DAPK2: variants seen among roughly 807,000 people sequenced by gnomAD.
DAPK2 encodes the protein death-associated protein kinase 2.
DAPK2 carries 35 observed loss-of-function variants against 44.1 expected under a neutral mutation model. The observed-to-expected ratio is 0.79, with a 90% CI of 0.61 to 1.05. The LOEUF (loss-of-function observed/expected upper bound fraction) is 1.05. DAPK2 is among the 50% of genes least tolerant of loss of function. The pLI is 0.00. For missense variants in DAPK2, 453 were observed against 483.2 expected (o/e 0.94, Z 0.59); for synonymous variants, 174 against 182.6 (o/e 0.95, Z 0.38).
rs201833845 is a variant in DAPK2, at chr15:64,000,174, T to TACC, written c.93-16421_93-16420insGGT. ...TACAAAGCACTTGCCTGACTACTAC[T>TACC]ACTACTACTACTACACACACACACA... On this transcript the variant is annotated intron_variant, in intron 1 of 10. Transcript: ENST00000261891. Among the ~76,000 whole-genome samples, 341 of 125,980 alleles carry TACC rather than the reference T, an allele frequency of 2.7e-3. 2 individuals carry two copies. The highest frequency in any genetic ancestry group is 0.01 in the African/African-American group (321 of 31,742). The allele number at this position is 125,980 out of a possible 152,430, so 82.6% of individuals were successfully genotyped here.
At position 63,966,131 on chromosome 15, in the gene DAPK2, G is replaced by T. The variant is rs2078048315; in HGVS notation, c.453+5292C>A. 6.6e-6 allele frequency among the ~76,000 whole-genome samples: 1 copy of T among 152,168 alleles called. No individual in the cohort carries two copies. Among genetic ancestry groups the T allele is most frequent in the Admixed American group, 6.5e-5 (1 of 15,278 alleles). On this transcript the variant is annotated intron_variant, in intron 3 of 10. Coordinates refer to ENST00000261891, the Ensembl canonical transcript of DAPK2. The surrounding 1 kb of genome is among the most constrained non-coding windows in gnomAD (Gnocchi z 5.5). ...TGACTATTCAGGGCCCAGGGCCTCT[G>T]TAGTCAGCAGGTGATGAATCCTGCC...
chr15:63,965,664 G>A (rs1157130884), intron 3 of DAPK2, among the ~76,000 whole-genome samples: 1 of 152,200 alleles, frequency 6.6e-6, no homozygotes, highest in Non-Finnish European at 1.5e-5. Flanking sequence ...ATCTAAGCCA[G>A]AAGACAAAGT....
intron 4 of DAPK2, among the ~76,000 whole-genome samples, chr15:63,937,718 C>T (rs1350405865): frequency 1.3e-5 from 2 of 152,238 alleles, no homozygotes; most frequent in Non-Finnish European, 2.9e-5. Context: ...ATTTTACTTG[C>T]TTTACACTTA....
intron 8 of DAPK2, chr15:63,920,139 G>A (rs2079031810): frequency 6.6e-6 from 1 of 152,232 alleles, no homozygotes; most frequent in African/African-American, 2.4e-5. Flanking sequence ...CCGGACAGAA[G>A]GCAGGTGCTC....
upstream of DAPK2, chr15:64,046,418 G>T (rs1242369001): frequency 4.4e-5 from 14 of 319,196 alleles, no homozygotes; most frequent in Non-Finnish European, 4.9e-5. This position sits in a 1 kb window ranked among gnomAD's most constrained non-coding sequence, Gnocchi z 5.3. Context: ...GGTGCGCTGG[G>T]CTCGGCCCTG....
intron 2 of DAPK2, among the ~76,000 whole-genome samples, chr15:63,982,267 T>C (rs2078538319): frequency 6.8e-6 from 1 of 146,524 alleles, no homozygotes; most frequent in Admixed American, 7.2e-5. Context: ...CTCGGCTTAC[T>C]GCAACCTCCG....
At chr15:64,045,408 A>T (rs761595638) in intron 1 of DAPK2, among the ~76,000 whole-genome samples, 31 of 152,180 alleles carry the variant, frequency 2.0e-4, no homozygotes, top group Non-Finnish European at 4.1e-4. Context: ...TATCTTCCAC[A>T]GAGGCAGTTG....
rs1220060344 is a variant in DAPK2, at chr15:63,908,976, G to A, written c.1033-376C>T. Reference sequence around the variant, plus strand: ...TCAGCCTAGAGAGACTGGAGGATGGGTGTGAGCCACAAGGTACTCCCCATG... The same window carrying A: ...TCAGCCTAGAGAGACTGGAGGATGGATGTGAGCCACAAGGTACTCCCCATG... On this transcript the variant is annotated intron_variant, in intron 10 of 10. Transcript: ENST00000261891. The surrounding 1 kb of genome is among the most constrained non-coding windows in gnomAD (Gnocchi z 5.7). 1 of 156,854 alleles carries A rather than the reference G, an allele frequency of 6.4e-6. No individual in the cohort carries two copies. The highest frequency in any genetic ancestry group is 1.4e-5 in the Non-Finnish European group (1 of 71,318). The allele number at this position is 156,854 out of a possible 1,614,324, so 9.7% of individuals were successfully genotyped here.
rs2078937567 is a variant in DAPK2, at chr15:63,916,679, T to A, written c.859-4482A>T. Reference sequence around the variant, plus strand: ...GCAGAAAGGCTGTGAGCCTGAAGGCTGCCCCCTACAGTGAACAAGCCAGTG... The same window carrying A: ...GCAGAAAGGCTGTGAGCCTGAAGGCAGCCCCCTACAGTGAACAAGCCAGTG... On this transcript the variant is annotated intron_variant, in intron 8 of 10. Transcript: ENST00000261891. This position sits in a 1 kb window ranked among gnomAD's most constrained non-coding sequence, Gnocchi z 4.7. The A allele has an allele frequency of 6.6e-6, 1 of 152,272 alleles. No individual in the cohort carries two copies. Among genetic ancestry groups the A allele is most frequent in the Non-Finnish European group, 1.5e-5 (1 of 68,058 alleles). The allele number at this position is 152,272 out of a possible 1,614,324, so 9.4% of individuals were successfully genotyped here. A position where few individuals can be genotyped will look rare whatever the true frequency, so the allele number is the denominator to read the frequency against.
intron 3 of DAPK2, among the ~76,000 whole-genome samples, chr15:63,958,805 T>C (rs1246250330): frequency 1.3e-5 from 2 of 152,246 alleles, no homozygotes; most frequent in African/African-American, 4.8e-5. Flanking sequence ...CCAGCTTTGT[T>C]CTTTTGGCTT....
chr15:64,002,972 ACCTGTG>A (rs2079132269), intron 1 of DAPK2, among the ~76,000 whole-genome samples: 1 of 17,962 alleles, frequency 5.6e-5, no homozygotes, highest in African/African-American at 1.5e-4. Flanking sequence ...GTGTCGTGGG[ACCTGTG>A]TGTGTGTGTG....
At chr15:64,010,838 C>T (rs560601022) in intron 1 of DAPK2, among the ~76,000 whole-genome samples, 13 of 152,272 alleles carry the variant, frequency 8.5e-5, no homozygotes, top group South Asian at 2.1e-4. Flanking sequence ...GAACAGCAGC[C>T]GAGCTTCCTG....
At chr15:64,000,185 CT>C (rs199582343) in intron 1 of DAPK2, among the ~76,000 whole-genome samples, 8 of 101,500 alleles carry the variant, frequency 7.9e-5, no homozygotes, top group East Asian at 2.0e-4. Context: ...ACTACTACTA[CT>C]ACACACACAC....
intron 1 of DAPK2, among the ~76,000 whole-genome samples, chr15:64,010,123 T>C (rs548705772): frequency 3.9e-5 from 6 of 152,272 alleles, no homozygotes; most frequent in African/African-American, 1.4e-4. Context: ...TCTGGGAACC[T>C]GTCAGAAATG....
chr15:64,014,914 C>T (rs1438401150), intron 1 of DAPK2, among the ~76,000 whole-genome samples: 3 of 133,006 alleles, frequency 2.3e-5, no homozygotes, highest in African/African-American at 2.9e-5. Flanking sequence ...GGTGAAAGAG[C>T]GAGACTCCAT....
rs2080462354 is a variant in DAPK2, at chr15:64,046,321, T to G, written c.-30A>C. 2 of 948,762 alleles carry G rather than the reference T, an allele frequency of 2.1e-6. No homozygotes were observed. The highest frequency in any genetic ancestry group is 5.2e-5 in the South Asian group (1 of 19,286). 58.8% of individuals were successfully genotyped at this position (948,762 alleles called of 1,614,324 possible). ...ACGGCGGGAGGCTGAGCTGCCGCGG[T>G]CGCGGCCGCGGCAGGCGCGGCGGGA... On this transcript the variant is annotated 5_prime_UTR_variant, in exon 1 of 12. Coordinates refer to the DAPK2 transcript ENST00000457488. This position sits in a 1 kb window ranked among gnomAD's most constrained non-coding sequence, Gnocchi z 5.3.
intron 8 of DAPK2, chr15:63,921,506 C>T (rs1368254323): frequency 1.3e-5 from 2 of 152,234 alleles, no homozygotes; most frequent in Non-Finnish European, 2.9e-5. Context: ...GCTCATATGC[C>T]ATGCTCTGTT....
intron 1 of DAPK2, among the ~76,000 whole-genome samples, chr15:63,989,801 C>T (rs961180532): frequency 6.6e-6 from 1 of 152,122 alleles, no homozygotes; most frequent in Non-Finnish European, 1.5e-5. Flanking sequence ...AAGCAATTCT[C>T]CTGCCTCAGT....
At chr15:63,969,165 TC>T (rs955341439) in intron 3 of DAPK2, among the ~76,000 whole-genome samples, 6 of 152,098 alleles carry the variant, frequency 3.9e-5, no homozygotes, top group African/African-American at 1.4e-4. Flanking sequence ...ATGCCTGTAG[TC>T]CCAACACTTT....
Sources: allele counts gnomAD v4.1 joint callset (sites outside exome capture counted in the v4.1 genomes callset), GRCh38; gene constraint gnomAD v4.1.1; non-coding constraint Gnocchi (gnomAD v3.1); transcripts MANE v1.5; gene names NCBI Gene and HGNC (gene_info 2026-07-23, HGNC 2026-07-21).